The following CLK2 variants were observed in gnomAD, a reference collection of about 807,000 sequenced individuals.
CLK2 encodes the protein CDC like kinase 2, also known as dual specificity protein kinase CLK2.
In CLK2, 12 loss-of-function variants were observed where a neutral mutation model predicts 73.5. That is an observed-to-expected ratio of 0.16 (90% CI 0.10 to 0.26). The LOEUF is 0.26. Ranked by LOEUF, CLK2 falls within the 10% of genes least tolerant of loss-of-function variation. The probability of loss-of-function intolerance (pLI) is 1.00; values close to 1 mark genes in which losing one functional copy is unlikely to be tolerated. For synonymous variants in CLK2, 232 were observed against 237.9 expected (o/e 0.98, Z 0.23); for missense variants, 509 against 688.4 (o/e 0.74, Z 2.92).
At chr1:155,267,253 CG>C (rs893928183) in intron 6 of CLK2, among the ~76,000 whole-genome samples, 14 of 152,014 alleles carry the variant, frequency 9.2e-5, no homozygotes, top group Admixed American at 2.0e-4. Context: ...CCACCATGCC[CG>C]GCTAATTTTT....
chr1:155,269,128 C>T (rs979771303), intron 3 of CLK2: 6 of 573,420 alleles, frequency 1.0e-5, no homozygotes, highest in Middle Eastern at 4.7e-4. Context: ...CTTGCCCCCA[C>T]CCAAGCCCGC....
Position 155,268,347 on chromosome 1 carries a change from C to T in CLK2, c.500G>A (p.Ser167Asn), listed in dbSNP as rs1411043333. 2 of 1,613,820 alleles carry T rather than the reference C, an allele frequency of 1.2e-6. No homozygotes were observed. The highest frequency in any genetic ancestry group is 1.7e-6 in the Non-Finnish European group (2 of 1,179,920). ...GCCGAAGGTCCCCTCTCCTAAGGTG[C>T]TAACGATTTCATCTGAAATGAAAGA... ...DWLQERYEIV[S>N]TLGEGTFGRV... The change falls in exon 5 of 13, where the codon AGC becomes AAC. Residue 167 changes from serine to asparagine, a missense_variant. Coordinates refer to ENST00000368361, the MANE Select transcript of CLK2 (RefSeq NM_001294338.2). This position sits in a 1 kb window ranked among gnomAD's most constrained non-coding sequence, Gnocchi z 5.6.
At chr1:155,263,764 A>G in intron 12 of CLK2, 186 bp downstream of exon 12, 1 of 973,968 alleles carries the variant, frequency 1.0e-6, no homozygotes, top group Non-Finnish European at 1.2e-6. Context: ...TAGGCTGTCT[A>G]ACCTCCTTCC....
intron 3 of CLK2, chr1:155,269,099 G>T (rs1208110935): frequency 3.5e-6 from 2 of 579,336 alleles, no homozygotes; most frequent in Non-Finnish European, 6.2e-6. Context: ...ATGCCCTTCC[G>T]GGCAGACACA....
rs139555196 is a variant in CLK2 at position 155,269,562 on chromosome 1, G to A, written c.325C>T (p.Arg109Cys). The A allele has an allele frequency of 2.0e-5, 33 of 1,614,030 alleles. No homozygotes were observed. The highest frequency in any genetic ancestry group is 1.7e-4 in the African/African-American group (13 of 74,940). ...TTCCTCCGGCTGCTGCGCTGGCTGC[G>A]GTAACTGCTGTTCTCCCGCTGATAT... ...YEYQRENSSYRSQRSSRRKHR... is the reference protein window; with the variant it reads ...YEYQRENSSYCSQRSSRRKHR... Residue 109 changes from arginine to cysteine, a missense_variant, in exon 3 of 13, where the codon CGC (arginine) becomes TGC (cysteine). Around this residue, in one of 6 missense-constraint regions of CLK2, gnomAD observed 222 missense variants for 221.7 expected, o/e 1.00. Coordinates refer to ENST00000368361, the MANE Select transcript of CLK2 (RefSeq NM_001294338.2).
chr1:155,264,446 A>T, intron 10 of CLK2, 22 bp downstream of exon 10: 8 of 1,612,650 alleles, frequency 5.0e-6, no homozygotes, highest in Non-Finnish European at 6.8e-6. Context: ...CAGGCAGTCA[A>T]GTAAGACATC....
rs377201807 is a variant in CLK2, at chr1:155,268,840, G to A, written c.400-45C>T. On this transcript the variant is annotated intron_variant, in intron 3 of 12. Coordinates refer to ENST00000368361, the MANE Select transcript of CLK2 (RefSeq NM_001294338.2). This position sits in a 1 kb window ranked among gnomAD's most constrained non-coding sequence, Gnocchi z 5.6. Reference sequence around the variant, plus strand: ...GTCGGAGCAAGCCAGGTGTCGGAGCGGGGGCCGGAGGGAGGCGGGGTGGGT... The same window carrying A: ...GTCGGAGCAAGCCAGGTGTCGGAGCAGGGGCCGGAGGGAGGCGGGGTGGGT... 2.0e-4 allele frequency: 261 copies of A among 1,296,024 alleles called. 2 individuals carry two copies. The highest frequency in any genetic ancestry group is 2.6e-4 in the Non-Finnish European group (232 of 902,798). 80.3% of individuals were successfully genotyped at this position (1,296,024 alleles called of 1,614,324 possible). A position where few individuals can be genotyped will look rare whatever the true frequency, so the allele number is the denominator to read the frequency against.
At chr1:155,265,566 C>CAAATAAATAAATAAATAAATAAATAAAT (rs374400975) in intron 8 of CLK2, among the ~76,000 whole-genome samples, 66 of 106,496 alleles carry the variant, frequency 6.2e-4, no homozygotes, top group Non-Finnish European at 1.1e-3. Context: ...GACTCTGTCT[C>CAAATAAATAAATAAATAAATAAATAAAT]AAATAAATAA....
intron 8 of CLK2, among the ~76,000 whole-genome samples, chr1:155,265,270 C>G (rs1216712691): frequency 6.6e-6 from 1 of 152,002 alleles, no homozygotes; most frequent in African/African-American, 2.4e-5. Flanking sequence ...ATACACATCT[C>G]AAAAAAGAAG....
rs1386953876 is a variant in CLK2, at chr1:155,268,613, GAA to G, written c.487+93_487+94del. The G allele has an allele frequency of 8.3e-7, 1 of 1,197,974 alleles. No individual in the cohort carries two copies. The highest frequency in any genetic ancestry group is 1.2e-6 in the Non-Finnish European group (1 of 805,046). 74.2% of individuals were successfully genotyped at this position (1,197,974 alleles called of 1,614,324 possible). On this transcript the variant is annotated intron_variant, in intron 4 of 12. Coordinates refer to ENST00000368361, the MANE Select transcript of CLK2 (RefSeq NM_001294338.2). This position sits in a 1 kb window ranked among gnomAD's most constrained non-coding sequence, Gnocchi z 5.6. ...CCACCCAGATAAACAACACCACTGA[GAA>G]AAGGCAAGAGGCTGTGACTCAGGTT... is the stretch of plus-strand genomic sequence containing the variant.
chr1:155,263,911 T>TCTGGAC, intron 12 of CLK2, 39 bp downstream of exon 12: 1 of 1,589,912 alleles, frequency 6.3e-7, no homozygotes, highest in Non-Finnish European at 8.6e-7. Flanking sequence ...GGAAGTGACT[T>TCTGGAC]CTGGACGGTG....
chr1:155,264,179 G>C, intron 11 of CLK2, 42 bp downstream of exon 11: 1 of 1,605,178 alleles, frequency 6.2e-7, no homozygotes, highest in East Asian at 2.2e-5. Flanking sequence ...ATTCTGTGGA[G>C]AGAAAAGGAA....
chr1:155,266,686 G>C, intron 7 of CLK2, 43 bp downstream of exon 7: 1 of 1,588,892 alleles, frequency 6.3e-7, no homozygotes, highest in Non-Finnish European at 8.6e-7. Flanking sequence ...ATCCAATGAA[G>C]GGAGGGACTG....
At position 155,268,846 on chromosome 1, in the gene CLK2, C is replaced by CGGGGG; in HGVS notation, c.400-52_400-51insCCCCC. The CGGGGG allele has an allele frequency of 4.5e-6, 1 of 223,664 alleles. No homozygotes were observed. Among genetic ancestry groups the CGGGGG allele is most frequent in the Admixed American group, 5.9e-5 (1 of 16,866 alleles). 13.9% of individuals were successfully genotyped at this position (223,664 alleles called of 1,614,324 possible). A position where few individuals can be genotyped will look rare whatever the true frequency, so the allele number is the denominator to read the frequency against. The stretch of plus-strand genomic sequence containing the variant: ...GCAAGCCAGGTGTCGGAGCGGGGGC[C>CGGGGG]GGAGGGAGGCGGGGTGGGTGGTAGA... On this transcript the variant is annotated intron_variant, in intron 3 of 12. Coordinates refer to ENST00000368361, the MANE Select transcript of CLK2 (RefSeq NM_001294338.2). This position sits in a 1 kb window ranked among gnomAD's most constrained non-coding sequence, Gnocchi z 5.6.
At chr1:155,265,719 T>C in intron 8 of CLK2, 141 bp downstream of exon 8, 1 of 697,212 alleles carries the variant, frequency 1.4e-6, no homozygotes, top group Admixed American at 2.0e-5. Context: ...TTTCAACCTA[T>C]TTAGTTTTAC....
At position 155,268,861 on chromosome 1, in the gene CLK2, T is replaced by TGGGGGGGGGGGGGG; in HGVS notation, c.400-67_400-66insCCCCCCCCCCCCCC. 1 of 237,798 alleles carries TGGGGGGGGGGGGGG rather than the reference T, an allele frequency of 4.2e-6. No individual in the cohort carries two copies. Among genetic ancestry groups the TGGGGGGGGGGGGGG allele is most frequent in the Non-Finnish European group, 7.5e-6 (1 of 134,188 alleles). The allele number at this position is 237,798 out of a possible 1,614,324, so 14.7% of individuals were successfully genotyped here. On this transcript the variant is annotated intron_variant, in intron 3 of 12. Coordinates refer to ENST00000368361, the MANE Select transcript of CLK2 (RefSeq NM_001294338.2). The surrounding 1 kb of genome is among the most constrained non-coding windows in gnomAD (Gnocchi z 5.6). ...GAGCGGGGGCCGGAGGGAGGCGGGG[T>TGGGGGGGGGGGGGG]GGGTGGTAGAGGGGTCACCGGTCAC...
chr1:155,266,657 G>C (rs530202647), intron 7 of CLK2, 72 bp downstream of exon 7: 1 of 1,520,396 alleles, frequency 6.6e-7, no homozygotes, highest in East Asian at 2.3e-5. Context: ...GGCTTCACCA[G>C]TGCACAACCG....
chr1:155,265,154 T>A (rs992431470), intron 8 of CLK2, among the ~76,000 whole-genome samples: 1 of 152,080 alleles, frequency 6.6e-6, no homozygotes, highest in African/African-American at 2.4e-5. Context: ...TCTCTAAAAA[T>A]ATGTAACATG....
In CLK2 at chr1:155,263,936, C is replaced by G. The variant is rs377448536; in HGVS notation, c.1317+14G>C. On this transcript the variant is annotated intron_variant, in intron 12 of 12. Transcript: ENST00000368361. ...TCTGGACGGTGGGCACTATTTATCC[C>G]GAGCCCAGCTCACCCGCAGCGGTTT... is the stretch of plus-strand genomic sequence containing the variant. 1 of 1,612,224 alleles carries G rather than the reference C, an allele frequency of 6.2e-7. No individual in the cohort carries two copies. The highest frequency in any genetic ancestry group is 1.3e-5 in the African/African-American group (1 of 74,972).
Sources: gnomAD v4.1 joint callset for allele counts (sites outside exome capture counted in the v4.1 genomes callset) on GRCh38, gnomAD v4.1.1 for gene constraint, gnomAD v4.1.1 regional missense constraint, Gnocchi (gnomAD v3.1) non-coding constraint, MANE v1.5 for transcripts, NCBI Gene and HGNC (gene_info 2026-07-23, HGNC 2026-07-21) for gene names.